The following PYCARD variants were observed in gnomAD, a reference collection of about 807,000 sequenced individuals.
PYCARD encodes apoptosis-associated speck-like protein containing a CARD.
In PYCARD, 10 loss-of-function variants were observed where a neutral mutation model predicts 10.0. That is an observed-to-expected ratio of 1.00 (90% CI 0.62 to 1.69). PYCARD has a LOEUF of 1.69. PYCARD is among the 40% of genes most tolerant of loss of function. The probability of loss-of-function intolerance (pLI) is 0.00; values close to 1 mark genes in which losing one functional copy is unlikely to be tolerated. For synonymous variants in PYCARD, 121 were observed against 122.3 expected, an observed-to-expected ratio of 0.99 and a Z score of 0.07; for missense variants, 239 against 260.2, an observed-to-expected ratio of 0.92 and a Z score of 0.56.
rs911173180 is a variant in PYCARD at position 31,202,047 on chromosome 16, C to A, written c.331+100G>T. ...TGGTGGGTGGGGTGCGCAGGGTTGC[C>A]AAGCCGTGCCTGCCCTGCCCTGCCC... On this transcript the variant is annotated intron_variant, in intron 2 of 2. Transcript: ENST00000247470. The surrounding 1 kb of genome is among the most constrained non-coding windows in gnomAD (Gnocchi z 4.5). The A allele has an allele frequency of 6.7e-7, 1 of 1,494,970 alleles. No individual in the cohort carries two copies. The highest frequency in any genetic ancestry group is 1.3e-5 in the South Asian group (1 of 78,118). The allele number at this position is 1,494,970 out of a possible 1,614,324, so 92.6% of individuals were successfully genotyped here.
At position 31,202,001 on chromosome 16, in the gene PYCARD, C is replaced by T; in HGVS notation, c.331+146G>A. 2.1e-6 allele frequency: 3 copies of T among 1,448,668 alleles called. No homozygotes were observed. The highest frequency in any genetic ancestry group is 2.8e-6 in the Non-Finnish European group (3 of 1,086,400). The allele number at this position is 1,448,668 out of a possible 1,614,324, so 89.7% of individuals were successfully genotyped here. A position where few individuals can be genotyped will look rare whatever the true frequency, so the allele number is the denominator to read the frequency against. On this transcript the variant is annotated intron_variant, in intron 2 of 2. Coordinates refer to ENST00000247470, the MANE Select transcript of PYCARD (RefSeq NM_013258.5). This position sits in a 1 kb window ranked among gnomAD's most constrained non-coding sequence, Gnocchi z 4.5. ...GTGGGATGAGGGTAATATTGTCTCC[C>T]TTCCCCCGCAGGGTGTGGGTTGGTG...
chr16:31,202,120 G>T lies in PYCARD; in HGVS notation c.331+27C>A, dbSNP rs1405544852. The T allele has an allele frequency of 1.2e-6, 2 of 1,601,828 alleles. No individual in the cohort carries two copies. The highest frequency in any genetic ancestry group is 2.2e-5 in the East Asian group (1 of 44,662). ...ATGCAGGCTGTGCAGGAGTGCGGTG[G>T]GGCCGGGCTGGGTGTGGAGGCCTCA... is the stretch of plus-strand genomic sequence containing the variant. On this transcript the variant is annotated intron_variant, in intron 2 of 2. Coordinates refer to ENST00000247470, the MANE Select transcript of PYCARD (RefSeq NM_013258.5). The surrounding 1 kb of genome is among the most constrained non-coding windows in gnomAD (Gnocchi z 4.5).
Position 31,201,702 on chromosome 16 carries a change from G to A in PYCARD, c.471C>T (p.Ser157=). 1 of 1,614,218 alleles carries A rather than the reference G, an allele frequency of 6.2e-7. No homozygotes were observed. Among genetic ancestry groups the A allele is most frequent in the South Asian group, 1.1e-5 (1 of 91,092 alleles). ...QAVRAEPTNP[S]KMRKLFSFTP... is the part of the protein sequence containing the mutation. ...TGAAACTGAAGAGCTTCCGCATCTT[G>A]CTTGGGTTGGTGGGCTCGGCCCGCA... Residue 157 remains serine, a synonymous_variant, in exon 3 of 3, where the codon AGC becomes AGT. Coordinates refer to ENST00000247470, the MANE Select transcript of PYCARD (RefSeq NM_013258.5).
rs762992038 is a variant in PYCARD, at chr16:31,202,682, G to C, written c.9C>G (p.Arg3=). 1 of 1,572,720 alleles carries C rather than the reference G, an allele frequency of 6.4e-7. No homozygotes were observed. The highest frequency in any genetic ancestry group is 8.6e-7 in the Non-Finnish European group (1 of 1,157,596). The part of the protein sequence containing the change: MG[R]ARDAILDALE... ...GCGCATCCAGGATGGCGTCGCGCGC[G>C]CGCCCCATGGCTCCAGGATCCCCGG... The change falls in exon 1 of 3, where the codon CGC becomes CGG. Residue 3 remains arginine (R), a synonymous_variant. Transcript: ENST00000247470. The surrounding 1 kb of genome is among the most constrained non-coding windows in gnomAD (Gnocchi z 4.5).
At position 31,202,099 on chromosome 16, in the gene PYCARD, A is replaced by G. The variant is rs998599285; in HGVS notation, c.331+48T>C. ...GCCCTGGTTGCGGGAGCACAGATGC[A>G]GGCTGTGCAGGAGTGCGGTGGGGCC... On this transcript the variant is annotated intron_variant, in intron 2 of 2. Coordinates refer to ENST00000247470, the MANE Select transcript of PYCARD (RefSeq NM_013258.5). The surrounding 1 kb of genome is among the most constrained non-coding windows in gnomAD (Gnocchi z 4.5). The G allele has an allele frequency of 4.7e-5, 74 of 1,585,402 alleles. No homozygotes were observed. Among genetic ancestry groups the G allele is most frequent in the Non-Finnish European group, 6.3e-5 (73 of 1,167,908 alleles).
At position 31,202,190 on chromosome 16, in the gene PYCARD, C is replaced by T. The variant is rs1442583638; in HGVS notation, c.288G>A (p.Ala96=). 22 of 1,605,076 alleles carry T rather than the reference C, an allele frequency of 1.4e-5. No individual in the cohort carries two copies. Among genetic ancestry groups the T allele is most frequent in the Admixed American group, 8.3e-5 (5 of 59,966 alleles). Residue 96 remains alanine (A), a synonymous_variant, in exon 2 of 3, where the codon GCG becomes GCA. Coordinates refer to ENST00000247470, the MANE Select transcript of PYCARD (RefSeq NM_013258.5). The surrounding 1 kb of genome is among the most constrained non-coding windows in gnomAD (Gnocchi z 4.5). ...GAGGAGGGGCCTGGATCCCAGCTGG[C>T]GCGGCTCCAGAGCCTGGAAGGATAT... is the stretch of plus-strand genomic sequence containing the variant. ...QAATHQGSGA[A]PAGIQAPPQS...
Position 31,201,747 on chromosome 16 carries a change from C to A in PYCARD, c.426G>T (p.Thr142=), listed in dbSNP as rs375010913. ...CCCGCACTGCCTGGTACTGCTCATCCGTCAGGACCTTCCCGTACAGAGCAT... is the reference window on the plus strand; with the variant it reads ...CCCGCACTGCCTGGTACTGCTCATCAGTCAGGACCTTCCCGTACAGAGCAT... The part of the protein sequence containing the change: ...LLDALYGKVL[T]DEQYQAVRAE... The change falls in exon 3 of 3, where the codon ACG becomes ACT. Residue 142 remains threonine, a synonymous_variant. Coordinates refer to ENST00000247470, the MANE Select transcript of PYCARD (RefSeq NM_013258.5). The A allele has an allele frequency of 1.5e-4, 238 of 1,614,058 alleles. 1 individual carries two copies. The Middle Eastern group carries it at 1.6e-3, about 11-fold the overall frequency.
chr16:31,202,460 G>T lies in PYCARD; in HGVS notation c.231C>A (p.Gly77=), dbSNP rs768474009. The change falls in exon 1 of 3, where the codon GGC becomes GGA. Residue 77 remains glycine, a synonymous_variant. Coordinates refer to ENST00000247470, the MANE Select transcript of PYCARD (RefSeq NM_013258.5). This position sits in a 1 kb window ranked among gnomAD's most constrained non-coding sequence, Gnocchi z 4.5. ...GCAGCTGCCCGGCCATCTCCTGCAG[G>T]CCCATGTCGCGCAGCACGTTAGCGG... ...ELTANVLRDM[G]LQEMAGQLQA... 1 of 1,569,374 alleles carries T rather than the reference G, an allele frequency of 6.4e-7. No homozygotes were observed. The highest frequency in any genetic ancestry group is 1.9e-5 in the Admixed American group (1 of 53,284).
Position 31,202,272 on chromosome 16 carries a change from C to A in PYCARD, c.275-69G>T. 3.8e-6 allele frequency: 6 copies of A among 1,574,904 alleles called. No homozygotes were observed. The highest frequency in any genetic ancestry group is 5.1e-6 in the Non-Finnish European group (6 of 1,167,656). Reference sequence around the variant, plus strand: ...GCCGTGGGGCCGGGGTCCCGTTGGTCGGTAGGCCAAGCGTGGGGAGCCTCC... The same window carrying A: ...GCCGTGGGGCCGGGGTCCCGTTGGTAGGTAGGCCAAGCGTGGGGAGCCTCC... On this transcript the variant is annotated intron_variant, in intron 1 of 2. Coordinates refer to ENST00000247470, the MANE Select transcript of PYCARD (RefSeq NM_013258.5). The surrounding 1 kb of genome is among the most constrained non-coding windows in gnomAD (Gnocchi z 4.5).
At position 31,201,621 on chromosome 16, in the gene PYCARD, G is replaced by A. The variant is rs371697062; in HGVS notation, c.552C>T (p.Ser184=). The A allele has an allele frequency of 1.2e-6, 2 of 1,614,034 alleles. No individual in the cohort carries two copies. Among genetic ancestry groups the A allele is most frequent in the African/African-American group, 2.7e-5 (2 of 74,936 alleles). The change falls in exon 3 of 3, where the codon TCC becomes TCT. Residue 184 remains serine (S), a synonymous_variant. Coordinates refer to ENST00000247470, the MANE Select transcript of PYCARD (RefSeq NM_013258.5). The stretch of plus-strand genomic sequence containing the variant: ...CCAGGTCCTCCACCAGGTAGGACTG[G>A]GACTCCCTTAGGGCCTGGAGGAGCA... ...KDLLLQALRE[S]QSYLVEDLER...
chr16:31,201,706 G>A lies in PYCARD; in HGVS notation c.467C>T (p.Pro156Leu), dbSNP rs1287319225. 3.1e-6 allele frequency: 5 copies of A among 1,614,104 alleles called. No homozygotes were observed. Among genetic ancestry groups the A allele is most frequent in the Non-Finnish European group, 3.4e-6 (4 of 1,180,048 alleles). The change falls in exon 3 of 3, where the codon CCA becomes CTA. Residue 156 changes from proline (P) to leucine (L), a missense_variant. Transcript: ENST00000247470. ...ACTGAAGAGCTTCCGCATCTTGCTT[G>A]GGTTGGTGGGCTCGGCCCGCACTGC... ...YQAVRAEPTN[P>L]SKMRKLFSFT... is the part of the protein sequence containing the mutation.
At position 31,202,174 on chromosome 16, in the gene PYCARD, CCTGGATCCCAG is replaced by C; in HGVS notation, c.293_303del (p.Ala98GlyfsTer29). On this transcript the variant is annotated frameshift_variant, in exon 2 of 3. Transcript: ENST00000247470. LOFTEE classifies it low-confidence loss of function (END_TRUNC). The surrounding 1 kb of genome is among the most constrained non-coding windows in gnomAD (Gnocchi z 4.5). ...GGCTTGGCTGCCGACTGAGGAGGGG[CCTGGATCCCAG>C]CTGGCGCGGCTCCAGAGCCTGGAAG... 6.2e-7 allele frequency: 1 copy of C among 1,606,710 alleles called. No individual in the cohort carries two copies. Among genetic ancestry groups the C allele is most frequent in the Non-Finnish European group, 8.5e-7 (1 of 1,179,752 alleles).
Position 31,202,123 on chromosome 16 carries a change from C to A in PYCARD, c.331+24G>T. The A allele has an allele frequency of 6.2e-7, 1 of 1,602,128 alleles. No homozygotes were observed. Among genetic ancestry groups the A allele is most frequent in the Admixed American group, 1.7e-5 (1 of 59,576 alleles). On this transcript the variant is annotated intron_variant, in intron 2 of 2. Coordinates refer to ENST00000247470, the MANE Select transcript of PYCARD (RefSeq NM_013258.5). This position sits in a 1 kb window ranked among gnomAD's most constrained non-coding sequence, Gnocchi z 4.5. Reference sequence around the variant, plus strand: ...CAGGCTGTGCAGGAGTGCGGTGGGGCCGGGCTGGGTGTGGAGGCCTCACCT... The same window carrying A: ...CAGGCTGTGCAGGAGTGCGGTGGGGACGGGCTGGGTGTGGAGGCCTCACCT...
chr16:31,202,112 G>A lies in PYCARD; in HGVS notation c.331+35C>T. ...GAGCACAGATGCAGGCTGTGCAGGA[G>A]TGCGGTGGGGCCGGGCTGGGTGTGG... On this transcript the variant is annotated intron_variant, in intron 2 of 2. Coordinates refer to ENST00000247470, the MANE Select transcript of PYCARD (RefSeq NM_013258.5). The surrounding 1 kb of genome is among the most constrained non-coding windows in gnomAD (Gnocchi z 4.5). 1 of 1,598,884 alleles carries A rather than the reference G, an allele frequency of 6.3e-7. No individual in the cohort carries two copies. The highest frequency in any genetic ancestry group is 2.2e-5 in the East Asian group (1 of 44,618).
chr16:31,202,289 G>A lies in PYCARD; in HGVS notation c.275-86C>T. On this transcript the variant is annotated intron_variant, in intron 1 of 2. Coordinates refer to ENST00000247470, the MANE Select transcript of PYCARD (RefSeq NM_013258.5). The surrounding 1 kb of genome is among the most constrained non-coding windows in gnomAD (Gnocchi z 4.5). ...CCGTTGGTCGGTAGGCCAAGCGTGG[G>A]GAGCCTCCTTTCCGGTAGAGCAGCT... The A allele has an allele frequency of 6.4e-7, 1 of 1,557,558 alleles. No homozygotes were observed. The highest frequency in any genetic ancestry group is 8.6e-7 in the Non-Finnish European group (1 of 1,158,032).
Position 31,202,147 on chromosome 16 carries a change from C to G in PYCARD, c.331G>C (p.Gly111Arg). ...QAPPQSAAKP[G>R]LHFIDQHRAA... Reference sequence around the variant, plus strand: ...GCCGGGCTGGGTGTGGAGGCCTCACCTGGCTTGGCTGCCGACTGAGGAGGG... The same window carrying G: ...GCCGGGCTGGGTGTGGAGGCCTCACGTGGCTTGGCTGCCGACTGAGGAGGG... The change falls in exon 2 of 3, where the codon GGC (glycine) becomes CGC (arginine). Residue 111 changes from glycine (G) to arginine (R), a missense_variant and splice_region_variant. Coordinates refer to ENST00000247470, the MANE Select transcript of PYCARD (RefSeq NM_013258.5). The surrounding 1 kb of genome is among the most constrained non-coding windows in gnomAD (Gnocchi z 4.5). 1 of 1,607,300 alleles carries G rather than the reference C, an allele frequency of 6.2e-7. No individual in the cohort carries two copies. The highest frequency in any genetic ancestry group is 8.5e-7 in the Non-Finnish European group (1 of 1,179,464).
At position 31,202,444 on chromosome 16, in the gene PYCARD, C is replaced by T. The variant is rs745802023; in HGVS notation, c.247G>A (p.Gly83Arg). ...TGGTGCGTGGCCGCCTGCAGCTGCC[C>T]GGCCATCTCCTGCAGGCCCATGTCG... Reference protein sequence around the residue: ...LRDMGLQEMAGQLQAATHQGS... With the variant: ...LRDMGLQEMARQLQAATHQGS... Residue 83 changes from glycine to arginine, a missense_variant, in exon 1 of 3, where the codon GGG becomes AGG. Gly to Arg is a moderately radical substitution (Grantham distance 125, BLOSUM62 -2). Transcript: ENST00000247470. This position sits in a 1 kb window ranked among gnomAD's most constrained non-coding sequence, Gnocchi z 4.5. 1 of 1,550,438 alleles carries T rather than the reference C, an allele frequency of 6.4e-7. No individual in the cohort carries two copies. Among genetic ancestry groups the T allele is most frequent in the Non-Finnish European group, 8.7e-7 (1 of 1,147,856 alleles).
rs1567487784 is a variant in PYCARD, at chr16:31,201,840, G to T, written c.333C>A (p.Gly111=). The change falls in exon 3 of 3, where the codon GGC becomes GGA. Residue 111 remains glycine (G), a splice_region_variant and synonymous_variant. Transcript: ENST00000247470. ...CCCGGTGCTGGTCTATAAAGTGCAG[G>T]CCTGGGGGTGGGAGGAGAACATGAG... ...QAPPQSAAKP[G]LHFIDQHRAA... The T allele has an allele frequency of 1.2e-6, 2 of 1,613,532 alleles. No individual in the cohort carries two copies. The highest frequency in any genetic ancestry group is 1.7e-6 in the Non-Finnish European group (2 of 1,179,726).
chr16:31,202,410 G>T lies in PYCARD; in HGVS notation c.274+7C>A, dbSNP rs753053028. 5.2e-6 allele frequency: 8 copies of T among 1,531,266 alleles called. No individual in the cohort carries two copies. The African/African-American group carries it at 8.2e-5, about 16-fold the overall frequency. The allele number at this position is 1,531,266 out of a possible 1,614,324, so 94.9% of individuals were successfully genotyped here. ...AGACGGGGTGGAGGGGAACGGGGGC[G>T]GCTCACCCTGGTGCGTGGCCGCCTG... On this transcript the variant is annotated splice_region_variant and intron_variant, in intron 1 of 2. Coordinates refer to ENST00000247470, the MANE Select transcript of PYCARD (RefSeq NM_013258.5). This position sits in a 1 kb window ranked among gnomAD's most constrained non-coding sequence, Gnocchi z 4.5.
Sources: allele counts gnomAD v4.1 joint callset, GRCh38; gene constraint gnomAD v4.1.1; non-coding constraint Gnocchi (gnomAD v3.1); transcripts MANE v1.5; gene names NCBI Gene and HGNC (gene_info 2026-07-23, HGNC 2026-07-21).